RHOT2: variants seen among roughly 807,000 people sequenced by gnomAD.
The protein encoded by RHOT2 is ras homolog family member T2.
RHOT2 carries 90 observed loss-of-function variants against 81.6 expected under a neutral mutation model. The observed-to-expected ratio is 1.10, with a 90% confidence interval of 0.93 to 1.31. RHOT2 has a LOEUF of 1.31. RHOT2 is among the 40% of genes most tolerant of loss of function. The pLI is 0.00. For synonymous variants in RHOT2, 512 were observed against 370.9 expected, an observed-to-expected ratio of 1.38 and a Z score of -4.37; for missense variants, 1,014 against 841.9, an observed-to-expected ratio of 1.20 and a Z score of -2.53.
intron 4 of RHOT2, chr16:669,272 C>G: frequency 3.7e-6 from 2 of 545,168 alleles, no homozygotes; most frequent in South Asian, 2.1e-5. Flanking sequence ...CACAGTTATG[C>G]TTCTGGGGCC....
intron 5 of RHOT2, 27 bp from the exon 6 acceptor site, chr16:670,096 A>G (rs569759155): frequency 1.3e-5 from 20 of 1,538,196 alleles, no homozygotes; most frequent in Non-Finnish European, 1.6e-5. Context: ...GGGCAGCCTC[A>G]CTTCACAGCC....
intron 1 of RHOT2, 39 bp downstream of exon 1, chr16:668,275 G>T (rs1406833294): frequency 3.8e-6 from 4 of 1,057,264 alleles, no homozygotes; most frequent in Non-Finnish European, 5.0e-6. Context: ...TGCGGCGGCC[G>T]TGAGGCGGGG....
At chr16:668,629 C>T (rs2038343034) in intron 3 of RHOT2, 27 bp from the exon 4 acceptor site, 2 of 1,609,002 alleles carry the variant, frequency 1.2e-6, no homozygotes, top group East Asian at 2.2e-5. Flanking sequence ...CTGCTGGGTC[C>T]GCAGTGGAGT....
At chr16:672,662 C>T (rs764527041) in intron 16 of RHOT2, 41 bp from the exon 17 acceptor site, 33 of 1,611,110 alleles carry the variant, frequency 2.0e-5, no homozygotes, top group Admixed American at 1.5e-4. Flanking sequence ...CTAGGGGGAC[C>T]GAGCCCCAGG....
intron 18 of RHOT2, 39 bp downstream of exon 18, chr16:673,169 T>TC: frequency 2.5e-6 from 4 of 1,593,674 alleles, no homozygotes; most frequent in Non-Finnish European, 3.4e-6. Context: ...ACTAGCAGTG[T>TC]CTGTCATCCG....
In RHOT2 at chr16:670,525, A is replaced by C. The variant is rs780338809; in HGVS notation, c.508A>C (p.Thr170Pro). 6.8e-6 allele frequency: 11 copies of C among 1,608,098 alleles called. No homozygotes were observed. The highest frequency in any genetic ancestry group is 9.3e-6 in the Non-Finnish European group (11 of 1,177,516). ...CGCCCAGAAGGCCGTCCTGCATCCC[A>C]CAGCCCCCCTCTATGACCCTGAGGC... ...YYAQKAVLHPTAPLYDPEAKQ... is the reference protein window; with the variant it reads ...YYAQKAVLHPPAPLYDPEAKQ... The change falls in exon 8 of 19, where the codon ACA becomes CCA. Residue 170 changes from threonine to proline, a missense_variant. Coordinates refer to ENST00000315082, the MANE Select transcript of RHOT2 (RefSeq NM_138769.3).
chr16:669,272 C>T (rs2038489115), intron 4 of RHOT2: 5 of 545,168 alleles, frequency 9.2e-6, no homozygotes, highest in East Asian at 3.2e-5. Context: ...CACAGTTATG[C>T]TTCTGGGGCC....
Position 668,574 on chromosome 16 carries a change from C to A in RHOT2, c.178+5C>A, listed in dbSNP as rs770709735. 6.2e-7 allele frequency: 1 copy of A among 1,610,360 alleles called. No homozygotes were observed. The highest frequency in any genetic ancestry group is 8.5e-7 in the Non-Finnish European group (1 of 1,179,002). On this transcript the variant is annotated splice_donor_5th_base_variant and intron_variant, in intron 3 of 18. Coordinates refer to ENST00000315082, the MANE Select transcript of RHOT2 (RefSeq NM_138769.3). Reference sequence around the variant, plus strand: ...CCCACATCGTGGACTACTCAGGTAGCGGCCGTAGCCTCCCGGGGGCCCGGC... The same window carrying A: ...CCCACATCGTGGACTACTCAGGTAGAGGCCGTAGCCTCCCGGGGGCCCGGC...
Position 670,532 on chromosome 16 carries a change from C to T in RHOT2, c.515C>T (p.Pro172Leu), listed in dbSNP as rs768236479. The change falls in exon 8 of 19, where the codon CCC (proline) becomes CTC (leucine). Residue 172 changes from proline (P) to leucine (L), a missense_variant. By Grantham distance (98) the Pro-to-Leu change is moderately conservative (BLOSUM62 -3). Transcript: ENST00000315082. ...AAGGCCGTCCTGCATCCCACAGCCC[C>T]CCTCTATGACCCTGAGGCCAAGCAG... ...AQKAVLHPTA[P>L]LYDPEAKQLR... 6.2e-7 allele frequency: 1 copy of T among 1,607,288 alleles called. No homozygotes were observed. The highest frequency in any genetic ancestry group is 1.1e-5 in the South Asian group (1 of 90,266).
intron 17 of RHOT2, 40 bp downstream of exon 17, chr16:672,865 C>T (rs1335263367): frequency 1.2e-5 from 20 of 1,612,428 alleles, no homozygotes; most frequent in Non-Finnish European, 1.5e-5. Context: ...GGGGCAGGGT[C>T]TGTCCCTCCA....
rs375815147 is a variant in RHOT2 at position 670,569 on chromosome 16, C to T, written c.540+12C>T. On this transcript the variant is annotated intron_variant, in intron 8 of 18. Coordinates refer to ENST00000315082, the MANE Select transcript of RHOT2 (RefSeq NM_138769.3). ...CTGAGGCCAAGCAGGTGAGCATCGG[C>T]TGGGGCCCCGCACGCTGGTTCCCCA... is the stretch of plus-strand genomic sequence containing the variant. 2 of 1,599,170 alleles carry T rather than the reference C, an allele frequency of 1.3e-6. No homozygotes were observed. Among genetic ancestry groups the T allele is most frequent in the Non-Finnish European group, 8.5e-7 (1 of 1,172,116 alleles).
Position 672,081 on chromosome 16 carries a change from C to T in RHOT2, c.1098-3C>T. 2 of 1,612,596 alleles carry T rather than the reference C, an allele frequency of 1.2e-6. No homozygotes were observed. The highest frequency in any genetic ancestry group is 8.5e-7 in the Non-Finnish European group (1 of 1,179,890). ...ACTGTGCCTGCCTCCCGCCCACCCC[C>T]AGCCTGGTGACCTACCTGGACGTCC... On this transcript the variant is annotated splice_region_variant and splice_polypyrimidine_tract_variant and intron_variant, in intron 13 of 18. Coordinates refer to ENST00000315082, the MANE Select transcript of RHOT2 (RefSeq NM_138769.3).
chr16:670,583 G>A (rs757487836), intron 8 of RHOT2, 26 bp downstream of exon 8: 8 of 1,595,680 alleles, frequency 5.0e-6, no homozygotes, highest in African/African-American at 1.3e-5. Context: ...GGCCCCGCAC[G>A]CTGGTTCCCC....
rs1555468962 is a variant in RHOT2 at position 671,814 on chromosome 16, C to CTG, written c.954+33_954+34insTG. 30 of 1,603,590 alleles carry CTG rather than the reference C, an allele frequency of 1.9e-5. No homozygotes were observed. In the African/African-American group the frequency reaches 3.6e-4, roughly 19 times the overall value. On this transcript the variant is annotated intron_variant, in intron 12 of 18. Coordinates refer to ENST00000315082, the MANE Select transcript of RHOT2 (RefSeq NM_138769.3). ...CATGGCGAGTCCCCTGCCCCTGCCC[C>CTG]CGCCCCCTCCCCGGCACACACATCA...
chr16:671,411 G>C (rs1027881627), intron 11 of RHOT2: 3 of 750,238 alleles, frequency 4.0e-6, no homozygotes. Flanking sequence ...TGAGTCGGGG[G>C]GTGGGGGGGC....
chr16:673,667 AG>A lies in RHOT2; in HGVS notation c.*65del. ...GTGTGCCTCGCTGCTGGGGCTCTGCAGGGGCAGCACAGCTGGGGTGCAGGCC... is the reference window on the plus strand; with the variant it reads ...GTGTGCCTCGCTGCTGGGGCTCTGCAGGGCAGCACAGCTGGGGTGCAGGCC... On this transcript the variant is annotated 3_prime_UTR_variant, in exon 19 of 19. Coordinates refer to ENST00000315082, the MANE Select transcript of RHOT2 (RefSeq NM_138769.3). 6.4e-7 allele frequency: 1 copy of A among 1,563,716 alleles called. No homozygotes were observed. The highest frequency in any genetic ancestry group is 2.0e-5 in the Admixed American group (1 of 49,988).
In RHOT2 at chr16:670,180, TGAG is replaced by T; in HGVS notation, c.329+7_329+9del. ...GGGGACCACGCAGGGGCCCAGGTAA[TGAG>T]GGGATGTGGAAGGGGCTGGGACCCC... On this transcript the variant is annotated splice_donor_region_variant and intron_variant, in intron 6 of 18. Transcript: ENST00000315082. 1.2e-6 allele frequency: 2 copies of T among 1,606,750 alleles called. No homozygotes were observed. Among genetic ancestry groups the T allele is most frequent in the Non-Finnish European group, 1.7e-6 (2 of 1,177,090 alleles).
chr16:673,427 C>G, intron 18 of RHOT2, 53 bp from the exon 19 acceptor site: 1 of 1,609,214 alleles, frequency 6.2e-7, no homozygotes, highest in Non-Finnish European at 8.5e-7. Flanking sequence ...TGCCCAGCAG[C>G]AAGCTGGGGG....
chr16:672,517 G>C lies in RHOT2; in HGVS notation c.1355G>C (p.Gly452Ala), dbSNP rs1455808368. 2 of 1,612,648 alleles carry C rather than the reference G, an allele frequency of 1.2e-6. No individual in the cohort carries two copies. The highest frequency in any genetic ancestry group is 3.3e-5 in the Admixed American group (2 of 60,028). The change falls in exon 16 of 19, where the codon GGC (glycine) becomes GCC (alanine). Residue 452 changes from glycine to alanine, a missense_variant. By Grantham distance (60) the Gly-to-Ala change is moderately conservative. Coordinates refer to ENST00000315082, the MANE Select transcript of RHOT2 (RefSeq NM_138769.3). The part of the protein sequence containing the change: ...GHQDTREQPP[G>A]YAIDTVQVNG... Reference sequence around the variant, plus strand: ...CAGGACACGAGGGAGCAGCCTCCCGGCTACGCCATCGACACGGTGCAGGTC... The same window carrying C: ...CAGGACACGAGGGAGCAGCCTCCCGCCTACGCCATCGACACGGTGCAGGTC...
Sources: allele counts gnomAD v4.1 joint callset, GRCh38; gene constraint gnomAD v4.1.1; transcripts MANE v1.5; gene names NCBI Gene and HGNC (gene_info 2026-07-23, HGNC 2026-07-21).